Variants in ODAM observed in about 807,000 individuals in gnomAD.
The protein encoded by ODAM is odontogenic ameloblast-associated protein.
ODAM carries 55 observed loss-of-function variants against 48.5 expected under a neutral mutation model. That is an observed-to-expected ratio of 1.13 (90% CI 0.91 to 1.42). The LOEUF (loss-of-function observed/expected upper bound fraction) is 1.42. ODAM is among the 40% of genes most tolerant of loss of function. The pLI, the probability that ODAM is intolerant of heterozygous loss-of-function variation, is 0.00. For missense variants in ODAM, 353 were observed against 323.6 expected (o/e 1.09, Z -0.70); for synonymous variants, 127 against 107.8 (o/e 1.18, Z -1.10).
At chr4:70,200,390 CT>C in intron 6 of ODAM, 106 bp from the exon 7 acceptor site, 1 of 605,104 alleles carries the variant, frequency 1.7e-6, no homozygotes, top group Non-Finnish European at 2.9e-6. Flanking sequence ...TCATATAAAG[CT>C]GCTAGACATA....
At chr4:70,197,382 T>G in intron 4 of ODAM, 61 bp downstream of exon 4, 1 of 935,266 alleles carries the variant, frequency 1.1e-6, no homozygotes, top group East Asian at 2.4e-5. Context: ...TTTATGTTAT[T>G]TTGTAAGAAA....
At chr4:70,196,996 G>GTA (rs887919241) in intron 3 of ODAM, among the ~76,000 whole-genome samples, 27 of 152,166 alleles carry the variant, frequency 1.8e-4, no homozygotes, top group African/African-American at 6.3e-4. Context: ...TCACACAGGT[G>GTA]TATATAGGTG....
intron 5 of ODAM, 102 bp downstream of exon 5, chr4:70,198,259 A>G (rs1729422789): frequency 1.0e-6 from 1 of 970,428 alleles, no homozygotes; most frequent in Non-Finnish European, 1.5e-6. Context: ...GTTTTTGAAC[A>G]ATATTTTTTC....
At position 70,196,521 on chromosome 4, in the gene ODAM, T is replaced by C. The variant is rs1267978335; in HGVS notation, c.-15-8T>C. 1 of 1,476,098 alleles carries C rather than the reference T, an allele frequency of 6.8e-7. No homozygotes were observed. Among genetic ancestry groups the C allele is most frequent in the East Asian group, 2.3e-5 (1 of 42,618 alleles). The allele number at this position is 1,476,098 out of a possible 1,614,324, so 91.4% of individuals were successfully genotyped here. ...TTATAAAGCTAAAGATCACAACTTA[T>C]TTTCTAGATATATCATACGAAAATG... On this transcript the variant is annotated splice_region_variant and splice_polypyrimidine_tract_variant and intron_variant, in intron 1 of 11. Transcript: ENST00000683306.
chr4:70,201,508 A>C lies in ODAM; in HGVS notation c.576+7A>C. 1 of 1,425,720 alleles carries C rather than the reference A, an allele frequency of 7.0e-7. No individual in the cohort carries two copies. Among genetic ancestry groups the C allele is most frequent in the Non-Finnish European group, 9.9e-7 (1 of 1,013,148 alleles). 88.3% of individuals were successfully genotyped at this position (1,425,720 alleles called of 1,614,324 possible). A position where few individuals can be genotyped will look rare whatever the true frequency, so the allele number is the denominator to read the frequency against. ...TCCACAACTAGCAGAACCTGTAAGT[A>C]AATGCATATTTTTCATTAAAAATAT... is the stretch of plus-strand genomic sequence containing the variant. On this transcript the variant is annotated splice_region_variant and intron_variant, in intron 8 of 11. Coordinates refer to ENST00000683306, the MANE Select transcript of ODAM (RefSeq NM_017855.4).
At position 70,197,416 on chromosome 4, in the gene ODAM, T is replaced by C. The variant is rs546501958; in HGVS notation, c.141+95T>C. 2.8e-4 allele frequency: 227 copies of C among 801,192 alleles called. 1 individual carries two copies. In the African/African-American group the frequency reaches 3.6e-3, roughly 13 times the overall value. 49.6% of individuals were successfully genotyped at this position (801,192 alleles called of 1,614,324 possible). ...AAACAAAATGTTTCCTGATCCTATTTTGGAAATCTCAGTTTTTAACATTAT... is the reference window on the plus strand; with the variant it reads ...AAACAAAATGTTTCCTGATCCTATTCTGGAAATCTCAGTTTTTAACATTAT... On this transcript the variant is annotated intron_variant, in intron 4 of 11. Transcript: ENST00000683306.
At chr4:70,203,628 GA>G (rs1474862636) in intron 11 of ODAM, among the ~76,000 whole-genome samples, 1 of 151,784 alleles carries the variant, frequency 6.6e-6, no homozygotes, top group Non-Finnish European at 1.5e-5. Context: ...ACAATGAAAA[GA>G]AAATTTCAAA....
chr4:70,198,058 C>CT lies in ODAM; in HGVS notation c.278dup (p.Leu93PhefsTer17), dbSNP rs1729415576. The CT allele has an allele frequency of 1.2e-6, 2 of 1,613,222 alleles. No individual in the cohort carries two copies. Among genetic ancestry groups the CT allele is most frequent in the African/African-American group, 2.7e-5 (2 of 74,816 alleles). On this transcript the variant is annotated frameshift_variant, in exon 5 of 12. Coordinates refer to ENST00000683306, the MANE Select transcript of ODAM (RefSeq NM_017855.4). LOFTEE classifies it high-confidence loss of function. ...CTGGACTGCTCCCAAATCAGATACC[C>CT]TTAACAGGAGAGGCCAGTTTTGCCC...
At chr4:70,203,124 A>C (rs1729543851) in intron 10 of ODAM, 32 bp from the exon 11 acceptor site, 1 of 1,543,896 alleles carries the variant, frequency 6.5e-7, no homozygotes, top group Admixed American at 1.7e-5. Context: ...CAATTTAATA[A>C]CAGTTTCTTA....
At chr4:70,201,774 T>C (rs1195270265) in intron 8 of ODAM, among the ~76,000 whole-genome samples, 2 of 151,962 alleles carry the variant, frequency 1.3e-5, no homozygotes, top group South Asian at 2.1e-4. Context: ...CACTCTGCAG[T>C]GGCTATTCTC....
In ODAM at chr4:70,198,567, T is replaced by G; in HGVS notation, c.376-12T>G. On this transcript the variant is annotated splice_polypyrimidine_tract_variant and intron_variant, in intron 5 of 11. Coordinates refer to ENST00000683306, the MANE Select transcript of ODAM (RefSeq NM_017855.4). ...CAAGCATACATTTTTATATAATTCT[T>G]TTTTTTGGCAGGTGATGCCCTATGT... 1 of 1,582,614 alleles carries G rather than the reference T, an allele frequency of 6.3e-7. No homozygotes were observed. Among genetic ancestry groups the G allele is most frequent in the Non-Finnish European group, 8.6e-7 (1 of 1,168,766 alleles).
At chr4:70,202,126 T>A in intron 8 of ODAM, 132 bp from the exon 9 acceptor site, 1 of 670,362 alleles carries the variant, frequency 1.5e-6, no homozygotes, top group Non-Finnish European at 2.6e-6. Flanking sequence ...AAAATTAAAC[T>A]ATTATTTCTG....
intron 3 of ODAM, 41 bp from the exon 4 acceptor site, chr4:70,197,233 T>G: frequency 3.4e-6 from 3 of 888,850 alleles, no homozygotes; most frequent in South Asian, 2.7e-5. Flanking sequence ...CTCATTTTAG[T>G]GTGTAGTAAT....
At chr4:70,202,695 C>G in intron 9 of ODAM, 61 bp from the exon 10 acceptor site, 1 of 1,289,608 alleles carries the variant, frequency 7.8e-7, no homozygotes, top group Non-Finnish European at 1.1e-6. Context: ...TTACATTCTT[C>G]CCAATTTTGG....
chr4:70,201,464 A>G lies in ODAM; in HGVS notation c.539A>G (p.Tyr180Cys). 1.3e-6 allele frequency: 2 copies of G among 1,508,988 alleles called. No homozygotes were observed. The highest frequency in any genetic ancestry group is 1.8e-6 in the Non-Finnish European group (2 of 1,090,488). The allele number at this position is 1,508,988 out of a possible 1,614,324, so 93.5% of individuals were successfully genotyped here. The change falls in exon 8 of 12, where the codon TAT becomes TGT. Residue 180 changes from tyrosine (Y) to cysteine (C), a missense_variant. Transcript: ENST00000683306. Reference sequence around the variant, plus strand: ...TAAAAAATCTGACAGATACCATTCTATGCTCAATTTGGATACATTCCACAA... The same window carrying G: ...TAAAAAATCTGACAGATACCATTCTGTGCTCAATTTGGATACATTCCACAA... ...QQQYEEQIPF[Y>C]AQFGYIPQLA...
At chr4:70,203,127 GT>G (rs767883262) in intron 10 of ODAM, 28 bp from the exon 11 acceptor site, 2 of 1,557,662 alleles carry the variant, frequency 1.3e-6, no homozygotes, top group Admixed American at 3.4e-5. Context: ...TTTAATAACA[GT>G]TTCTTATGAA....
At position 70,202,278 on chromosome 4, in the gene ODAM, G is replaced by T; in HGVS notation, c.597G>T (p.Gln199His). Reference sequence around the variant, plus strand: ...TTTAGGCTATATCAGGAGGACAGCAGCAACTAGCTTTTGATCCCCAACTAG... The same window carrying T: ...TTTAGGCTATATCAGGAGGACAGCATCAACTAGCTTTTGATCCCCAACTAG... ...LAEPAISGGQ[Q>H]QLAFDPQLGT... Residue 199 changes from glutamine to histidine, a missense_variant, in exon 9 of 12, where the codon CAG becomes CAT. Transcript: ENST00000683306. The T allele has an allele frequency of 6.2e-7, 1 of 1,611,822 alleles. No homozygotes were observed.
At position 70,198,130 on chromosome 4, in the gene ODAM, G is replaced by T. The variant is rs368391960; in HGVS notation, c.348G>T (p.Pro116=). ...GQVDPLQLQT[P]PQTQPGPSHV... ...TTGATCCCTTACAGCTTCAAACACC[G>T]CCTCAGACACAACCAGGCCCCAGTC... Residue 116 remains proline, a synonymous_variant, in exon 5 of 12, where the codon CCG becomes CCT. Coordinates refer to ENST00000683306, the MANE Select transcript of ODAM (RefSeq NM_017855.4). 1.2e-6 allele frequency: 2 copies of T among 1,613,064 alleles called. No homozygotes were observed. Among genetic ancestry groups the T allele is most frequent in the Non-Finnish European group, 1.7e-6 (2 of 1,179,456 alleles).
chr4:70,197,369 T>C, intron 4 of ODAM, 48 bp downstream of exon 4: 1 of 966,438 alleles, frequency 1.0e-6, no homozygotes, highest in Admixed American at 1.9e-5. Flanking sequence ...TACCTATTGC[T>C]CATTTATGTT....
Sources: gnomAD v4.1 joint callset for allele counts (sites outside exome capture counted in the v4.1 genomes callset) on GRCh38, gnomAD v4.1.1 for gene constraint, MANE v1.5 for transcripts, NCBI Gene and HGNC (gene_info 2026-07-23, HGNC 2026-07-21) for gene names.